Variants in PTPRT observed in about 807,000 individuals in gnomAD.
PTPRT encodes protein tyrosine phosphatase receptor type T.
Under a neutral mutation model 176.8 loss-of-function variants are expected in PTPRT, and 56 were observed. The observed-to-expected ratio is 0.32, with a 90% confidence interval of 0.26 to 0.40. The LOEUF (loss-of-function observed/expected upper bound fraction) is 0.40, where lower values mean the gene tolerates loss of function less well. Ranked by LOEUF, PTPRT falls within the 10% of genes least tolerant of loss-of-function variation. The pLI, the probability that PTPRT is intolerant of heterozygous loss-of-function variation, is 1.00. For synonymous variants in PTPRT, 783 were observed against 739.0 expected (o/e 1.06, Z -0.96); for missense variants, 1,540 against 1,908.2 (o/e 0.81, Z 3.60).
intron 9 of PTPRT, among the ~76,000 whole-genome samples, chr20:42,384,348 G>A (rs552989147): frequency 6.6e-6 from 1 of 152,196 alleles, no homozygotes; most frequent in African/African-American, 2.4e-5. Context: ...TGACGGCAGT[G>A]GGGAAGGAGG....
At chr20:42,356,502 C>T (rs1028851760) in intron 9 of PTPRT, among the ~76,000 whole-genome samples, 5 of 152,006 alleles carry the variant, frequency 3.3e-5, no homozygotes, top group Non-Finnish European at 7.4e-5. Context: ...CGAGACCAGC[C>T]TGACCAACAC....
At chr20:43,076,194 C>T (rs946901846) in intron 1 of PTPRT, among the ~76,000 whole-genome samples, 3 of 152,056 alleles carry the variant, frequency 2.0e-5, no homozygotes, top group Non-Finnish European at 4.4e-5. Flanking sequence ...TCCTTCTGTG[C>T]GTGTCTTTTC....
chr20:42,445,946 T>C (rs1193286458), intron 9 of PTPRT, among the ~76,000 whole-genome samples: 1 of 152,112 alleles, frequency 6.6e-6, no homozygotes, highest in African/African-American at 2.4e-5. Flanking sequence ...TAACTCACAG[T>C]TGTGTTTAGA....
At chr20:42,895,263 C>A (rs780938390) in intron 1 of PTPRT, among the ~76,000 whole-genome samples, 4 of 152,178 alleles carry the variant, frequency 2.6e-5, no homozygotes, top group African/African-American at 9.7e-5. Flanking sequence ...GGCTTGCTTC[C>A]TGGCTGGCAG....
intron 7 of PTPRT, among the ~76,000 whole-genome samples, chr20:42,646,927 C>T (rs1266661347): frequency 2.9e-5 from 3 of 102,344 alleles, no homozygotes; most frequent in African/African-American, 1.2e-4. Context: ...ATGGAGTTTG[C>T]TCTGTCGCTC....
At chr20:42,830,927 A>G (rs907632345) in intron 2 of PTPRT, among the ~76,000 whole-genome samples, 2 of 152,230 alleles carry the variant, frequency 1.3e-5, no homozygotes, top group African/African-American at 4.8e-5. Context: ...CTCCATGCTC[A>G]TGATAGGAAG....
chr20:42,052,478 C>A, the PTPRT span, among the ~76,000 whole-genome samples: 1 of 152,162 alleles, frequency 6.6e-6, no homozygotes, highest in Non-Finnish European at 1.5e-5. Flanking sequence ...AAGAGTGGCC[C>A]CCCCACACCC....
At chr20:42,625,199 G>C (rs896220455) in intron 7 of PTPRT, among the ~76,000 whole-genome samples, 1 of 152,138 alleles carries the variant, frequency 6.6e-6, no homozygotes, top group Admixed American at 6.5e-5. Flanking sequence ...CTCACTGTGA[G>C]GTCCAGCTTA....
chr20:42,751,558 G>A (rs1162827286), intron 6 of PTPRT, among the ~76,000 whole-genome samples: 9 of 152,136 alleles, frequency 5.9e-5, no homozygotes, highest in Non-Finnish European at 8.8e-5. Context: ...TTGAGTCAGC[G>A]GACTGGGAGA....
chr20:43,054,501 C>T (rs1354482026), intron 1 of PTPRT, among the ~76,000 whole-genome samples: 3 of 151,172 alleles, frequency 2.0e-5, no homozygotes, highest in African/African-American at 7.3e-5. Context: ...CGGCAGTGGG[C>T]CAAGATTGTA....
chr20:42,391,265 A>G lies in PTPRT; in HGVS notation c.1561-38980T>C, dbSNP rs1286563138. 2.6e-4 allele frequency among the ~76,000 whole-genome samples: 39 copies of G among 152,192 alleles called. 1 individual carries two copies. Among genetic ancestry groups the G allele is most frequent in the Admixed American group, 2.6e-3 (39 of 15,280 alleles). On this transcript the variant is annotated intron_variant, in intron 9 of 30. Transcript: ENST00000373187. The stretch of plus-strand genomic sequence containing the variant: ...ATCCCTCGACTACACCTCACAGGAA[A>G]GGAGGAGGAGACTTTTGTGCTTCAG...
At chr20:43,091,181 C>G (rs1231018440) in intron 1 of PTPRT, among the ~76,000 whole-genome samples, 1 of 151,860 alleles carries the variant, frequency 6.6e-6, no homozygotes, top group African/African-American at 2.4e-5. Context: ...TGCAGTGAGC[C>G]AAGATGGCGC....
intron 7 of PTPRT, among the ~76,000 whole-genome samples, chr20:42,488,762 C>G (rs1474693453): frequency 6.6e-6 from 1 of 151,810 alleles, no homozygotes; most frequent in South Asian, 2.1e-4. Context: ...GTCAGGAATT[C>G]GAGACCAGCC....
intron 1 of PTPRT, among the ~76,000 whole-genome samples, chr20:43,120,484 G>A (rs1379030112): frequency 6.6e-6 from 1 of 152,140 alleles, no homozygotes; most frequent in Admixed American, 6.5e-5. Context: ...TGTTAGCCAG[G>A]ATGGTCTCGA....
intron 14 of PTPRT, among the ~76,000 whole-genome samples, chr20:42,243,475 T>C (rs755723025): frequency 6.6e-5 from 10 of 152,144 alleles, no homozygotes; most frequent in Non-Finnish European, 1.2e-4. Flanking sequence ...TTTGCTGAGA[T>C]GGTAACATTT....
At chr20:42,642,647 T>C (rs527638865) in intron 7 of PTPRT, among the ~76,000 whole-genome samples, 5 of 152,256 alleles carry the variant, frequency 3.3e-5, no homozygotes, top group African/African-American at 1.2e-4. Flanking sequence ...CAGTGAGTGG[T>C]AACTAGTATT....
At chr20:42,151,933 C>T (rs980055021) in intron 17 of PTPRT, among the ~76,000 whole-genome samples, 8 of 152,154 alleles carry the variant, frequency 5.3e-5, no homozygotes, top group South Asian at 4.1e-4. Context: ...GGAATGGGAA[C>T]GTTTCATAAT....
chr20:42,760,239 T>A (rs2076895438), intron 5 of PTPRT, among the ~76,000 whole-genome samples: 1 of 152,204 alleles, frequency 6.6e-6, no homozygotes, highest in African/African-American at 2.4e-5. Flanking sequence ...GCAAAGGGGA[T>A]CTGTCCAGGA....
the PTPRT span, among the ~76,000 whole-genome samples, chr20:42,035,552 C>T: frequency 3.3e-5 from 5 of 152,112 alleles, no homozygotes; most frequent in Non-Finnish European, 7.4e-5. Flanking sequence ...ATTGGCTATC[C>T]ACCACTCAGG....
Sources: gnomAD v4.1 joint callset for allele counts (sites outside exome capture counted in the v4.1 genomes callset) on GRCh38, gnomAD v4.1.1 for gene constraint, MANE v1.5 for transcripts, NCBI Gene and HGNC (gene_info 2026-07-23, HGNC 2026-07-21) for gene names.